RRN3: variants seen among roughly 807,000 people sequenced by gnomAD.
RRN3 encodes RNA polymerase I-specific transcription initiation factor RRN3.
A neutral mutation model predicts 82.3 loss-of-function variants in RRN3; 38 were observed. The observed-to-expected ratio is 0.46, with a 90% CI of 0.36 to 0.61. The LOEUF (loss-of-function observed/expected upper bound fraction) is 0.61. RRN3 is among the 20% of genes least tolerant of loss of function. The probability of loss-of-function intolerance (pLI) is 0.00; values close to 1 mark genes in which losing one functional copy is unlikely to be tolerated. For missense variants in RRN3, 726 were observed against 793.1 expected, an observed-to-expected ratio of 0.92 and a Z score of 1.02; for synonymous variants, 284 against 284.3, an observed-to-expected ratio of 1.00 and a Z score of 0.01.
intron 3 of RRN3, among the ~76,000 whole-genome samples, chr16:15,087,216 C>T (rs768031841): frequency 6.0e-4 from 91 of 152,276 alleles, no homozygotes; most frequent in Non-Finnish European, 1.1e-3. Context: ...CAAGGTCATA[C>T]CTACAGGGAT....
At chr16:15,070,315 A>G (rs777948472) in intron 13 of RRN3, 61 bp from the exon 14 acceptor site, 84 of 1,589,226 alleles carry the variant, frequency 5.3e-5, no homozygotes, top group Non-Finnish European at 6.8e-5. Flanking sequence ...AATAACATAA[A>G]AACACACAAC....
chr16:15,082,522 A>T (rs1184809964), intron 8 of RRN3, among the ~76,000 whole-genome samples: 1 of 151,736 alleles, frequency 6.6e-6, no homozygotes, highest in Non-Finnish European at 1.5e-5. Flanking sequence ...AAAACACAAA[A>T]ATTAGCGGGG....
At position 15,061,763 on chromosome 16, in the gene RRN3, A is replaced by G; in HGVS notation, c.1937T>C (p.Met646Thr). 1.2e-6 allele frequency: 2 copies of G among 1,613,502 alleles called. No homozygotes were observed. Among genetic ancestry groups the G allele is most frequent in the Non-Finnish European group, 1.7e-6 (2 of 1,179,428 alleles). ...SSVGSPPVLYMQPSPL is the reference protein window; with the variant it reads ...SSVGSPPVLYTQPSPL ...CTGCCGTCAGAGGGGACTGGGTTGCATGTACAACACGGGTGGGGAGCCCAC... is the reference window on the plus strand; with the variant it reads ...CTGCCGTCAGAGGGGACTGGGTTGCGTGTACAACACGGGTGGGGAGCCCAC... Residue 646 changes from methionine to threonine, a missense_variant, in exon 18 of 18, where the codon ATG (methionine) becomes ACG (threonine). Physicochemically the swap from Met to Thr is moderately conservative, Grantham distance 81. Around this residue, in one of 4 missense-constraint regions of RRN3, gnomAD observed 166 missense variants for 154.8 expected, o/e 1.07. Transcript: ENST00000198767.
chr16:15,087,699 G>A (rs1306456695), intron 3 of RRN3, among the ~76,000 whole-genome samples: 3 of 152,070 alleles, frequency 2.0e-5, no homozygotes, highest in Non-Finnish European at 4.4e-5. Flanking sequence ...AGCTCACTAA[G>A]GCCAAAGGCA....
chr16:15,077,227 C>A (rs2045498093), intron 9 of RRN3, among the ~76,000 whole-genome samples: 1 of 151,992 alleles, frequency 6.6e-6, no homozygotes, highest in African/African-American at 2.4e-5. Context: ...GATCCACCGG[C>A]CTCAGCTTCC....
chr16:15,060,788 G>T lies in RRN3; in HGVS notation c.*956C>A, dbSNP rs1050002692. The T allele has an allele frequency of 6.6e-6, 1 of 152,234 alleles. No homozygotes were observed. Among genetic ancestry groups the T allele is most frequent in the South Asian group, 2.1e-4 (1 of 4,838 alleles). 9.4% of individuals were successfully genotyped at this position (152,234 alleles called of 1,614,324 possible). On this transcript the variant is annotated 3_prime_UTR_variant, in exon 18 of 18. Transcript: ENST00000198767. ...ACTAGCAACTTCCACCTATTGTTGTGAGCAAAACCGTACACCAAATAATCT... is the reference window on the plus strand; with the variant it reads ...ACTAGCAACTTCCACCTATTGTTGTTAGCAAAACCGTACACCAAATAATCT...
intron 13 of RRN3, among the ~76,000 whole-genome samples, chr16:15,070,891 T>C (rs1173237995): frequency 1.3e-5 from 2 of 152,158 alleles, no homozygotes; most frequent in Admixed American, 6.5e-5. Flanking sequence ...GATCTTTAAG[T>C]GCAACCAAAA....
In RRN3 at chr16:15,061,241, C is replaced by CA. The variant is rs1482025528; in HGVS notation, c.*502dup. Reference sequence around the variant, plus strand: ...CCTTGAAATCCCAACAGACAAATACCAATACAGCAGAAGGTGAACAATGTA... The same window carrying CA: ...CCTTGAAATCCCAACAGACAAATACCAAATACAGCAGAAGGTGAACAATGTA... On this transcript the variant is annotated 3_prime_UTR_variant, in exon 18 of 18. Coordinates refer to ENST00000198767, the MANE Select transcript of RRN3 (RefSeq NM_018427.5). The CA allele has an allele frequency of 1.3e-5, 2 of 152,526 alleles. No homozygotes were observed. The highest frequency in any genetic ancestry group is 2.9e-5 in the Non-Finnish European group (2 of 68,310). 9.4% of individuals were successfully genotyped at this position (152,526 alleles called of 1,614,324 possible). A position where few individuals can be genotyped will look rare whatever the true frequency, so the allele number is the denominator to read the frequency against.
chr16:15,061,985 G>A, intron 17 of RRN3, 80 bp from the exon 18 acceptor site: 4 of 1,332,988 alleles, frequency 3.0e-6, no homozygotes, highest in Non-Finnish European at 4.2e-6. Flanking sequence ...TCAGGAAGGT[G>A]TTAACGTTTG....
intron 14 of RRN3, among the ~76,000 whole-genome samples, chr16:15,069,404 C>G (rs2045126511): frequency 6.6e-6 from 1 of 152,190 alleles, no homozygotes; most frequent in African/African-American, 2.4e-5. Context: ...TAAACATAAA[C>G]AGAACAATTT....
At chr16:15,064,868 G>A (rs986930980) in intron 16 of RRN3, among the ~76,000 whole-genome samples, 2 of 152,154 alleles carry the variant, frequency 1.3e-5, no homozygotes, top group South Asian at 2.1e-4. Context: ...CATGTATCAC[G>A]TTTAAATCCA....
intron 11 of RRN3, 108 bp downstream of exon 11, chr16:15,074,615 A>G: frequency 1.3e-6 from 1 of 766,590 alleles, no homozygotes; most frequent in Non-Finnish European, 2.0e-6. Context: ...TACTCAATAG[A>G]TATTTTTACA....
chr16:15,076,308 A>C (rs2045452411), intron 10 of RRN3: 1 of 596,458 alleles, frequency 1.7e-6, no homozygotes, highest in African/African-American at 1.9e-5. Flanking sequence ...TTACAAAAAC[A>C]AACACTGAAA....
intron 16 of RRN3, among the ~76,000 whole-genome samples, chr16:15,063,800 C>T (rs1306110503): frequency 1.3e-5 from 2 of 151,762 alleles, no homozygotes; most frequent in African/African-American, 4.8e-5. Context: ...AGAGTTCATT[C>T]ACTCATGTCG....
intron 9 of RRN3, 57 bp downstream of exon 9, chr16:15,079,941 G>C (rs544021796): frequency 1.3e-6 from 2 of 1,492,258 alleles, no homozygotes; most frequent in South Asian, 2.5e-5. Context: ...CACATACTGT[G>C]ATTATAACAA....
chr16:15,081,079 G>C (rs2045684592), intron 8 of RRN3, among the ~76,000 whole-genome samples: 1 of 152,140 alleles, frequency 6.6e-6, no homozygotes, highest in African/African-American at 2.4e-5. Context: ...TTTCATTGCT[G>C]AGTAATATTC....
intron 11 of RRN3, among the ~76,000 whole-genome samples, chr16:15,074,207 A>G (rs924185957): frequency 2.5e-4 from 38 of 152,198 alleles, no homozygotes; most frequent in African/African-American, 8.9e-4. Context: ...GTCAACTCAG[A>G]TTCCAGTTCT....
At position 15,089,882 on chromosome 16, in the gene RRN3, C is replaced by G. The variant is rs570135714; in HGVS notation, c.252+1433G>C. On this transcript the variant is annotated intron_variant, in intron 3 of 17. Coordinates refer to ENST00000198767, the MANE Select transcript of RRN3 (RefSeq NM_018427.5). ...TTAAGAAGTGGGTGGCCAACAGTGT[C>G]GGCTGATACAAGGAATACAAGGCTT... Among the ~76,000 whole-genome samples the G allele has an allele frequency of 1.1e-4, 17 of 148,768 alleles. 1 individual carries two copies. The South Asian group carries it at 3.6e-3, about 32-fold the overall frequency.
intron 17 of RRN3, 65 bp from the exon 18 acceptor site, chr16:15,061,970 C>T: frequency 1.4e-6 from 2 of 1,475,160 alleles, no homozygotes; most frequent in Admixed American, 3.6e-5. Flanking sequence ...TCAACAATTC[C>T]TTCCTCAGGA....
Sources: allele counts gnomAD v4.1 joint callset (sites outside exome capture counted in the v4.1 genomes callset), GRCh38; gene constraint gnomAD v4.1.1; regional missense constraint gnomAD v4.1.1; transcripts MANE v1.5; gene names NCBI Gene and HGNC (gene_info 2026-07-23, HGNC 2026-07-21).